COMMD1: variants seen among roughly 807,000 people sequenced by gnomAD.
COMMD1 encodes the protein copper metabolism domain containing 1.
Under a neutral mutation model 17.2 loss-of-function variants are expected in COMMD1, and 10 were observed. The ratio of observed to expected loss-of-function variants is 0.58; its 90% CI spans 0.36 to 0.99. The LOEUF (loss-of-function observed/expected upper bound fraction) is 0.99. COMMD1 is among the 50% of genes least tolerant of loss of function. COMMD1 has a pLI of 0.01. For synonymous variants in COMMD1, 97 were observed against 91.6 expected, an observed-to-expected ratio of 1.06 and a Z score of -0.34; for missense variants, 270 against 231.8, an observed-to-expected ratio of 1.17 and a Z score of -1.07.
chr2:61,921,976 C>T (rs1262218502), intron 1 of COMMD1, among the ~76,000 whole-genome samples: 3 of 151,870 alleles, frequency 2.0e-5, no homozygotes, highest in Non-Finnish European at 4.4e-5. Context: ...GACTGTTTTC[C>T]TGTCGATGTA....
intron 2 of COMMD1, among the ~76,000 whole-genome samples, chr2:62,017,642 C>T (rs952758439): frequency 1.3e-5 from 2 of 151,658 alleles, no homozygotes; most frequent in African/African-American, 4.8e-5. Context: ...TGCACTCCAG[C>T]CTGGGTGACA....
intron 2 of COMMD1, among the ~76,000 whole-genome samples, chr2:62,044,295 C>T (rs948736865): frequency 1.3e-5 from 2 of 152,168 alleles, no homozygotes; most frequent in African/African-American, 4.8e-5. Flanking sequence ...CTTCATTCTG[C>T]TCAGTTAGTC....
At chr2:62,019,406 C>T (rs568078091) in intron 2 of COMMD1, among the ~76,000 whole-genome samples, 2 of 152,058 alleles carry the variant, frequency 1.3e-5, no homozygotes, top group Non-Finnish European at 2.9e-5. Flanking sequence ...AACTCCTGAC[C>T]TCAAGAGATT....
intron 2 of COMMD1, among the ~76,000 whole-genome samples, chr2:62,011,403 A>T (rs117729088): frequency 6.6e-6 from 1 of 152,056 alleles, no homozygotes; most frequent in South Asian, 2.1e-4. Flanking sequence ...GCCTTTTGTT[A>T]CTTTAGTTGT....
At chr2:62,024,867 A>T (rs1318158250) in intron 2 of COMMD1, among the ~76,000 whole-genome samples, 1 of 152,194 alleles carries the variant, frequency 6.6e-6, no homozygotes, top group African/African-American at 2.4e-5. Flanking sequence ...CATTAATGCT[A>T]TTATAAGTTC....
chr2:61,976,414 G>T (rs1427871933), intron 1 of COMMD1, among the ~76,000 whole-genome samples: 2 of 151,954 alleles, frequency 1.3e-5, no homozygotes, highest in Non-Finnish European at 2.9e-5. Context: ...AAGTTATTAG[G>T]GATCAAAGAA....
At chr2:61,925,520 C>T (rs11682294) in intron 1 of COMMD1, among the ~76,000 whole-genome samples, 20,769 of 152,114 alleles carry the variant, frequency 0.14, 1,504 homozygotes, top group East Asian at 0.21. Context: ...ATGCTTCCTA[C>T]GACCTCCCCC....
At position 61,905,783 on chromosome 2, in the gene COMMD1, ACGGAGC is replaced by A; in HGVS notation, c.107_112del (p.Arg36_Ser37del). ...ACCCCGGCATCACAGAGGAGCTGCTACGGAGCCAGCTATATCCAGAGGTGCCACCCG... is the reference window on the plus strand; with the variant it reads ...ACCCCGGCATCACAGAGGAGCTGCTACAGCTATATCCAGAGGTGCCACCCG... On this transcript the variant is annotated inframe_deletion, in exon 1 of 3. Transcript: ENST00000311832. 6.2e-7 allele frequency: 1 copy of A among 1,614,160 alleles called. No homozygotes were observed. The highest frequency in any genetic ancestry group is 8.5e-7 in the Non-Finnish European group (1 of 1,180,008).
At chr2:61,901,119 G>A (rs1669646840), upstream of COMMD1, among the ~76,000 whole-genome samples, 1 of 151,720 alleles carries the variant, frequency 6.6e-6, no homozygotes, top group African/African-American at 2.4e-5. Flanking sequence ...GCTAATTTTT[G>A]TATCTTTAGT....
intron 2 of COMMD1, among the ~76,000 whole-genome samples, chr2:62,025,561 C>T (rs1287864287): frequency 4.6e-5 from 7 of 152,056 alleles, no homozygotes; most frequent in Admixed American, 4.6e-4. Context: ...CAAACAAACT[C>T]AACCCCAAAG....
chr2:61,927,915 C>T (rs1572970609), intron 1 of COMMD1, among the ~76,000 whole-genome samples: 1 of 152,114 alleles, frequency 6.6e-6, no homozygotes, highest in Non-Finnish European at 1.5e-5. Flanking sequence ...CAGGCGCATG[C>T]CACCACGCCT....
chr2:61,889,076 T>C (rs990387112), intron 1 of COMMD1, among the ~76,000 whole-genome samples: 1 of 151,116 alleles, frequency 6.6e-6, no homozygotes, highest in African/African-American at 2.4e-5. Flanking sequence ...CTAATTTTTG[T>C]ATTTTTAGTA....
At chr2:62,023,269 A>T (rs1489420678) in intron 2 of COMMD1, among the ~76,000 whole-genome samples, 1 of 152,088 alleles carries the variant, frequency 6.6e-6, no homozygotes. Context: ...AAAATTTAGA[A>T]TAGTAGGTAC....
intron 2 of COMMD1, among the ~76,000 whole-genome samples, chr2:62,107,194 A>G (rs1354238975): frequency 6.6e-6 from 1 of 152,174 alleles, no homozygotes; most frequent in Non-Finnish European, 1.5e-5. Flanking sequence ...CAATCTGTAT[A>G]TTGCTTTTTC....
intron 1 of COMMD1, among the ~76,000 whole-genome samples, chr2:61,921,938 A>ATT (rs34356773): frequency 6.6e-6 from 1 of 151,780 alleles, no homozygotes. Flanking sequence ...CTTTATTTAA[A>ATT]TTTTTTTTCC....
chr2:61,921,401 G>C (rs982480260), intron 1 of COMMD1, among the ~76,000 whole-genome samples: 1 of 152,026 alleles, frequency 6.6e-6, no homozygotes, highest in African/African-American at 2.4e-5. Flanking sequence ...ATATACTGTT[G>C]GTCATTGTTT....
At position 61,905,722 on chromosome 2, in the gene COMMD1, T is replaced by C; in HGVS notation, c.44T>C (p.Leu15Pro). 1.2e-6 allele frequency: 2 copies of C among 1,608,530 alleles called. No homozygotes were observed. Among genetic ancestry groups the C allele is most frequent in the Non-Finnish European group, 8.5e-7 (1 of 1,177,036 alleles). Residue 15 changes from leucine to proline, a missense_variant, in exon 1 of 3, where the codon CTG becomes CCG. Leu to Pro is a moderately conservative substitution (Grantham distance 98, BLOSUM62 -3). Transcript: ENST00000311832. ...GAGGGTGGCAAACCCCTGAGCGGGC[T>C]GCTGAATGCGCTGGCCCAGGACACT... ...ELEGGKPLSG[L>P]LNALAQDTFH... is the part of the protein sequence containing the mutation.
chr2:62,067,096 A>C (rs780218555), intron 2 of COMMD1, among the ~76,000 whole-genome samples: 1 of 152,048 alleles, frequency 6.6e-6, no homozygotes, highest in Non-Finnish European at 1.5e-5. Flanking sequence ...ATGGTGGCTC[A>C]TGCCTGTAAT....
intron 1 of COMMD1, among the ~76,000 whole-genome samples, chr2:61,967,120 A>C (rs1671527677): frequency 6.6e-6 from 1 of 152,168 alleles, no homozygotes; most frequent in Non-Finnish European, 1.5e-5. Context: ...ATGAAGTCTA[A>C]TATGAAACGA....
Sources: allele counts gnomAD v4.1 joint callset (sites outside exome capture counted in the v4.1 genomes callset), GRCh38; gene constraint gnomAD v4.1.1; transcripts MANE v1.5; gene names NCBI Gene and HGNC (gene_info 2026-07-23, HGNC 2026-07-21).